The following ZNRF1 variants were observed in gnomAD, a reference collection of about 807,000 sequenced individuals.
The protein encoded by ZNRF1 is zinc and ring finger 1, also known as E3 ubiquitin-protein ligase ZNRF1.
Under a neutral mutation model 18.4 loss-of-function variants are expected in ZNRF1, and 3 were observed. That is an observed-to-expected ratio of 0.16 (90% CI 0.07 to 0.42). ZNRF1 has a LOEUF of 0.42. Ranked by LOEUF, ZNRF1 falls within the 10% of genes least tolerant of loss-of-function variation. The pLI is 0.99. For missense variants in ZNRF1, 310 were observed against 329.8 expected (o/e 0.94, Z 0.47); for synonymous variants, 157 against 144.2 (o/e 1.09, Z -0.64).
At chr16:75,078,678 A>G (rs1041241126) in intron 1 of ZNRF1, among the ~76,000 whole-genome samples, 2 of 152,218 alleles carry the variant, frequency 1.3e-5, no homozygotes, top group Non-Finnish European at 2.9e-5. Flanking sequence ...CTGACTTGAG[A>G]GAATGTTACA....
chr16:75,079,333 C>T (rs559183768), intron 1 of ZNRF1, among the ~76,000 whole-genome samples: 88 of 152,138 alleles, frequency 5.8e-4, no homozygotes, highest in South Asian at 1.9e-3. Flanking sequence ...TACAAAAATT[C>T]GCTGGGCATG....
chr16:75,017,367 A>G (rs554594283), intron 1 of ZNRF1, among the ~76,000 whole-genome samples: 9 of 152,354 alleles, frequency 5.9e-5, no homozygotes, highest in Non-Finnish European at 1.3e-4. Flanking sequence ...AAAATTTTAA[A>G]CATTTTATTT....
At chr16:75,017,794 A>C (rs2035091127) in intron 1 of ZNRF1, among the ~76,000 whole-genome samples, 2 of 152,204 alleles carry the variant, frequency 1.3e-5, no homozygotes, top group South Asian at 4.1e-4. Context: ...ATTCAAATCA[A>C]GTTGGCATCA....
intron 1 of ZNRF1, among the ~76,000 whole-genome samples, chr16:75,031,857 G>A (rs2035309151): frequency 6.6e-6 from 1 of 151,748 alleles, no homozygotes; most frequent in African/African-American, 2.4e-5. Context: ...AGTCAATTCT[G>A]CCGGATCTAC....
Position 75,060,415 on chromosome 16 carries a change from C to T in ZNRF1, c.425-33157C>T, listed in dbSNP as rs868659125. Reference sequence around the variant, plus strand: ...GCAGGAGCAGGGAAATATATCCTATCTCTACATTTGAGCACAATGACCATG... The same window carrying T: ...GCAGGAGCAGGGAAATATATCCTATTTCTACATTTGAGCACAATGACCATG... On this transcript the variant is annotated intron_variant, in intron 1 of 4. Coordinates refer to ENST00000335325, the MANE Select transcript of ZNRF1 (RefSeq NM_032268.5). 6.7e-5 allele frequency among the ~76,000 whole-genome samples: 10 copies of T among 150,134 alleles called. No individual in the cohort carries two copies. The South Asian group carries it at 1.3e-3, about 19-fold the overall frequency.
intron 2 of ZNRF1, among the ~76,000 whole-genome samples, chr16:75,096,101 T>A (rs951343445): frequency 4.0e-4 from 60 of 149,688 alleles, no homozygotes; most frequent in African/African-American, 1.5e-3. Context: ...TGTGTGTGTG[T>A]AAACTAGAGG....
At chr16:75,026,045 G>A (rs1567469980) in intron 1 of ZNRF1, among the ~76,000 whole-genome samples, 1 of 152,190 alleles carries the variant, frequency 6.6e-6, no homozygotes, top group Admixed American at 6.5e-5. Context: ...ATCCCACAGA[G>A]GGGTCTTGTG....
intron 1 of ZNRF1, among the ~76,000 whole-genome samples, chr16:75,033,686 C>A (rs1461993542): frequency 6.6e-6 from 1 of 152,138 alleles, no homozygotes; most frequent in Non-Finnish European, 1.5e-5. Context: ...ATCTGTTTCC[C>A]TCGGCCTCCC....
chr16:75,016,630 G>C (rs1205571670), intron 1 of ZNRF1, among the ~76,000 whole-genome samples: 1 of 151,860 alleles, frequency 6.6e-6, no homozygotes, highest in Non-Finnish European at 1.5e-5. Context: ...CTGCCTCCCG[G>C]GTTCAAGCAA....
At chr16:75,026,013 C>T (rs1324489170) in intron 1 of ZNRF1, among the ~76,000 whole-genome samples, 2 of 152,100 alleles carry the variant, frequency 1.3e-5, no homozygotes, top group African/African-American at 4.8e-5. Flanking sequence ...CTGGTGAGGC[C>T]TATACATCTG....
chr16:75,002,348 T>G (rs764873260), intron 1 of ZNRF1: 1 of 152,220 alleles, frequency 6.6e-6, no homozygotes, highest in Non-Finnish European at 1.5e-5. Flanking sequence ...AAGCAAAACT[T>G]GTTTCTGCTT....
chr16:75,045,844 T>C lies in ZNRF1; in HGVS notation c.424+45749T>C, dbSNP rs1467243359. Among the ~76,000 whole-genome samples, 9 of 150,812 alleles carry C rather than the reference T, an allele frequency of 6.0e-5. No homozygotes were observed. In the Admixed American group the frequency reaches 6.0e-4, roughly 10 times the overall value. Reference sequence around the variant, plus strand: ...GATCCTCCCACCTCAGCCTCCCAAATAGCTGGCACTACAGGCCACTGTGTC... The same window carrying C: ...GATCCTCCCACCTCAGCCTCCCAAACAGCTGGCACTACAGGCCACTGTGTC... On this transcript the variant is annotated intron_variant, in intron 1 of 4. Coordinates refer to ENST00000335325, the MANE Select transcript of ZNRF1 (RefSeq NM_032268.5).
intron 1 of ZNRF1, among the ~76,000 whole-genome samples, chr16:75,018,227 C>G (rs1000386188): frequency 6.6e-6 from 1 of 151,818 alleles, no homozygotes; most frequent in African/African-American, 2.4e-5. Context: ...GTTAGGATAC[C>G]CTATAGTTTT....
chr16:75,006,184 A>C (rs2034914979), intron 1 of ZNRF1, among the ~76,000 whole-genome samples: 1 of 152,160 alleles, frequency 6.6e-6, no homozygotes, highest in Non-Finnish European at 1.5e-5. Context: ...GGGTAACTGA[A>C]ACTATGGAAA....
intron 1 of ZNRF1, among the ~76,000 whole-genome samples, chr16:75,019,377 C>T (rs2035114594): frequency 6.6e-6 from 1 of 152,064 alleles, no homozygotes; most frequent in Non-Finnish European, 1.5e-5. Context: ...GAGACAGGGT[C>T]TTCCCATGCT....
At chr16:75,038,953 T>C (rs1206844555) in intron 1 of ZNRF1, among the ~76,000 whole-genome samples, 1 of 152,244 alleles carries the variant, frequency 6.6e-6, no homozygotes, top group African/African-American at 2.4e-5. Flanking sequence ...TTATAATCAC[T>C]GGTGAATTCC....
chr16:75,052,121 G>A (rs1002897936), intron 1 of ZNRF1, among the ~76,000 whole-genome samples: 30 of 152,148 alleles, frequency 2.0e-4, no homozygotes, highest in African/African-American at 7.0e-4. Context: ...GAATGTGCCC[G>A]GGCGTGGTGG....
chr16:75,052,504 A>T (rs1292110736), intron 1 of ZNRF1, among the ~76,000 whole-genome samples: 1 of 152,148 alleles, frequency 6.6e-6, no homozygotes, highest in Non-Finnish European at 1.5e-5. Context: ...AGATGTTTGT[A>T]AAAAGGTCCC....
chr16:75,012,941 A>G (rs962619666), intron 1 of ZNRF1, among the ~76,000 whole-genome samples: 1 of 152,194 alleles, frequency 6.6e-6, no homozygotes, highest in Non-Finnish European at 1.5e-5. Flanking sequence ...TGAGCATTTG[A>G]TGCATAAGAG....
Sources: gnomAD v4.1 joint callset for allele counts (sites outside exome capture counted in the v4.1 genomes callset) on GRCh38, gnomAD v4.1.1 for gene constraint, MANE v1.5 for transcripts, NCBI Gene and HGNC (gene_info 2026-07-23, HGNC 2026-07-21) for gene names.